Variants in RASGEF1B observed in about 807,000 individuals in gnomAD.
The protein encoded by RASGEF1B is RasGEF domain family member 1B, also known as ras-GEF domain-containing family member 1B.
In RASGEF1B, 30 loss-of-function variants were observed where a neutral mutation model predicts 65.7. That is an observed-to-expected ratio of 0.46 (90% CI 0.34 to 0.62). The LOEUF is 0.62. RASGEF1B is among the 20% of genes least tolerant of loss of function. The pLI is 0.01. For missense variants in RASGEF1B, 495 were observed against 580.1 expected, an observed-to-expected ratio of 0.85 and a Z score of 1.51; for synonymous variants, 175 against 194.8, an observed-to-expected ratio of 0.90 and a Z score of 0.85.
intron 4 of RASGEF1B, 36 bp from the exon 5 acceptor site, chr4:81,448,320 C>T (rs374818405): frequency 8.3e-6 from 13 of 1,570,366 alleles, no homozygotes; most frequent in African/African-American, 8.1e-5. Context: ...CCGTACTCTG[C>T]GTGTCTGGTT....
intron 10 of RASGEF1B, among the ~76,000 whole-genome samples, chr4:81,438,066 C>T (rs1405627024): frequency 6.6e-6 from 1 of 152,086 alleles, no homozygotes; most frequent in Admixed American, 6.6e-5. Context: ...AAGGGTTTTG[C>T]CAGTTCCACA....
intron 2 of RASGEF1B, 122 bp from the exon 3 acceptor site, chr4:81,457,743 T>G: frequency 1.0e-6 from 1 of 997,908 alleles, no homozygotes; most frequent in South Asian, 1.6e-5. Context: ...GTTTCAAAAG[T>G]AATGCCTACT....
chr4:81,456,179 G>A (rs1722434466), intron 4 of RASGEF1B: 6 of 339,498 alleles, frequency 1.8e-5, no homozygotes, highest in South Asian at 4.5e-5. Context: ...CAACAGGAGC[G>A]TATTTATTTT....
intron 10 of RASGEF1B, among the ~76,000 whole-genome samples, chr4:81,436,548 A>C (rs1003854053): frequency 1.3e-5 from 2 of 152,214 alleles, no homozygotes; most frequent in African/African-American, 4.8e-5. Flanking sequence ...ACAGAGAAAA[A>C]GGCTCACATA....
chr4:81,471,311 A>C (rs1292064576), intron 1 of RASGEF1B: 1 of 152,400 alleles, frequency 6.6e-6, no homozygotes, highest in Admixed American at 6.5e-5. Flanking sequence ...CACACGAAGG[A>C]AAGAAGGGAT....
At chr4:81,469,654 T>TACAC (rs35924621) in intron 1 of RASGEF1B, among the ~76,000 whole-genome samples, 9,605 of 150,942 alleles carry the variant, frequency 0.064, 713 homozygotes, top group African/African-American at 0.18. Context: ...TGTGTATATA[T>TACAC]ACACACACAC....
intron 13 of RASGEF1B, among the ~76,000 whole-genome samples, chr4:81,430,145 C>A (rs1451037821): frequency 1.3e-5 from 2 of 152,056 alleles, no homozygotes; most frequent in Admixed American, 6.5e-5. Context: ...ACTAAAGATA[C>A]AAAAAATTAG....
chr4:81,458,415 A>G (rs866514570), intron 2 of RASGEF1B, among the ~76,000 whole-genome samples: 14 of 152,218 alleles, frequency 9.2e-5, no homozygotes, highest in African/African-American at 3.1e-4. Flanking sequence ...CTGTGTGGCA[A>G]CATATCTGAA....
intron 4 of RASGEF1B, chr4:81,453,459 T>A (rs1041462444): frequency 6.6e-6 from 1 of 152,244 alleles, no homozygotes; most frequent in African/African-American, 2.4e-5. Flanking sequence ...ATCACTGTGA[T>A]ACTGTATTGT....
intron 4 of RASGEF1B, chr4:81,453,198 G>T (rs1041209190): frequency 1.3e-5 from 2 of 152,160 alleles, no homozygotes; most frequent in Admixed American, 1.3e-4. Context: ...TAAGGATGCC[G>T]TGGTGAACAA....
At chr4:81,466,283 A>G (rs1722799523) in intron 1 of RASGEF1B, among the ~76,000 whole-genome samples, 1 of 152,136 alleles carries the variant, frequency 6.6e-6, no homozygotes, top group African/African-American at 2.4e-5. Flanking sequence ...TTAAGAGTTC[A>G]CGTATTTCAG....
Position 81,456,721 on chromosome 4 carries a change from T to G in RASGEF1B, c.368A>C (p.Tyr123Ser). The change falls in exon 4 of 14, where the codon TAT (tyrosine) becomes TCT (serine). Residue 123 changes from tyrosine to serine, a missense_variant. Tyr to Ser is a moderately radical substitution (Grantham distance 144, BLOSUM62 -2). Transcript: ENST00000264400. ...LLTEWTETFP[Y>S]DFRDERMMRN... Reference sequence around the variant, plus strand: ...CATCATTCTTTCATCCCGAAAATCATAGGGAAATGTTTCCGTCCATTCCGT... The same window carrying G: ...CATCATTCTTTCATCCCGAAAATCAGAGGGAAATGTTTCCGTCCATTCCGT... The G allele has an allele frequency of 6.2e-7, 1 of 1,614,134 alleles. No individual in the cohort carries two copies. Among genetic ancestry groups the G allele is most frequent in the Middle Eastern group, 1.7e-4 (1 of 6,060 alleles).
chr4:81,430,886 T>C (rs761212317), intron 13 of RASGEF1B, among the ~76,000 whole-genome samples: 3 of 152,292 alleles, frequency 2.0e-5, no homozygotes, highest in Non-Finnish European at 2.9e-5. Context: ...AGACCACAGG[T>C]AATGCAGATA....
At position 81,433,876 on chromosome 4, in the gene RASGEF1B, G is replaced by A; in HGVS notation, c.1288C>T (p.Gln430Ter). 6.2e-7 allele frequency: 1 copy of A among 1,613,980 alleles called. No homozygotes were observed. The highest frequency in any genetic ancestry group is 8.5e-7 in the Non-Finnish European group (1 of 1,179,920). ...CPFERDRKIL[Q>*]YLLTVPVFSE... ...AAGACTGGTACTGTGAGCAGATACT[G>A]CAAGATCTTCCGGTCCCTCTCAAAT... The change falls in exon 12 of 14, where the codon CAG (glutamine) becomes TAG (stop). Residue 430 changes from glutamine to a stop codon, truncating the protein, a stop_gained. Coordinates refer to ENST00000264400, the MANE Select transcript of RASGEF1B (RefSeq NM_152545.3). LOFTEE classifies it high-confidence loss of function.
chr4:81,464,345 C>T (rs1722738638), intron 1 of RASGEF1B, among the ~76,000 whole-genome samples: 2 of 152,256 alleles, frequency 1.3e-5, no homozygotes, highest in South Asian at 4.1e-4. Context: ...TAAATACTGG[C>T]ATTAATTTAC....
In RASGEF1B at chr4:81,448,235, T is replaced by G; in HGVS notation, c.488A>C (p.Lys163Thr). ...VQQMMQCLIR[K>T]LAALSQYEEV... The stretch of plus-strand genomic sequence containing the variant: ...TTCGTACTGGCTGAGCGCAGCAAGC[T>G]TGCGGATCAGACACTGCATCATTTG... The change falls in exon 5 of 14, where the codon AAG (lysine) becomes ACG (threonine). Residue 163 changes from lysine (K) to threonine (T), a missense_variant. By Grantham distance (78) the Lys-to-Thr change is moderately conservative (BLOSUM62 -1). Coordinates refer to ENST00000264400, the MANE Select transcript of RASGEF1B (RefSeq NM_152545.3). 1.9e-6 allele frequency: 3 copies of G among 1,613,512 alleles called. No homozygotes were observed. The highest frequency in any genetic ancestry group is 2.5e-6 in the Non-Finnish European group (3 of 1,180,038).
intron 2 of RASGEF1B, among the ~76,000 whole-genome samples, chr4:81,458,488 G>A (rs1722529544): frequency 6.6e-6 from 1 of 152,278 alleles, no homozygotes; most frequent in Admixed American, 6.5e-5. Context: ...AATTACTGCG[G>A]CAAGCACCAA....
chr4:81,433,076 A>G (rs1374442589), intron 12 of RASGEF1B, among the ~76,000 whole-genome samples: 1 of 151,714 alleles, frequency 6.6e-6, no homozygotes, highest in African/African-American at 2.4e-5. Flanking sequence ...AAGAAAGAAA[A>G]AAATTAATCA....
intron 1 of RASGEF1B, among the ~76,000 whole-genome samples, chr4:81,469,176 C>G (rs1018320598): frequency 6.6e-6 from 1 of 152,192 alleles, no homozygotes; most frequent in Non-Finnish European, 1.5e-5. Context: ...TTTAACAGTG[C>G]AATTGGCCTC....
Sources: allele counts gnomAD v4.1 joint callset (sites outside exome capture counted in the v4.1 genomes callset), GRCh38; gene constraint gnomAD v4.1.1; transcripts MANE v1.5; gene names NCBI Gene and HGNC (gene_info 2026-07-23, HGNC 2026-07-21).